WDFY4: variants seen among roughly 807,000 people sequenced by gnomAD.
WDFY4 encodes WDFY family member 4.
In WDFY4, 169 loss-of-function variants were observed where a neutral mutation model predicts 351.9. The ratio of observed to expected loss-of-function variants is 0.48; its 90% CI spans 0.42 to 0.55. WDFY4 has a LOEUF of 0.55. WDFY4 is among the 20% of genes least tolerant of loss of function. The probability of loss-of-function intolerance (pLI) is 0.00; values close to 1 mark genes in which losing one functional copy is unlikely to be tolerated. For synonymous variants in WDFY4, 1,622 were observed against 1,574.6 expected (o/e 1.03, Z -0.71); for missense variants, 3,803 against 3,935.6 (o/e 0.97, Z 0.90).
At chr10:48,961,070 G>A (rs1441011472) in intron 53 of WDFY4, among the ~76,000 whole-genome samples, 1 of 152,206 alleles carries the variant, frequency 6.6e-6, no homozygotes, top group Non-Finnish European at 1.5e-5. Context: ...AAGTTTTATT[G>A]TATGTAAATT....
intron 49 of WDFY4, among the ~76,000 whole-genome samples, chr10:48,943,987 A>G (rs897076082): frequency 1.3e-5 from 2 of 152,196 alleles, no homozygotes; most frequent in African/African-American, 4.8e-5. Context: ...CAACTAACAT[A>G]GTTGCTAACA....
intron 55 of WDFY4, chr10:48,968,851 G>T: frequency 1.8e-6 from 1 of 558,536 alleles, no homozygotes; most frequent in Non-Finnish European, 3.2e-6. Context: ...CCTGCCCCGG[G>T]GCCCGGCTAC....
intron 11 of WDFY4, among the ~76,000 whole-genome samples, chr10:48,740,845 C>A (rs2064829241): frequency 6.6e-6 from 1 of 152,160 alleles, no homozygotes. Context: ...CAGTGTCCCT[C>A]TGAGAAGTGG....
chr10:48,739,124 C>T (rs2064768229), intron 11 of WDFY4, among the ~76,000 whole-genome samples: 1 of 152,226 alleles, frequency 6.6e-6, no homozygotes, highest in Non-Finnish European at 1.5e-5. Context: ...CTGTTCAACT[C>T]TGAGCTTAAT....
intron 23 of WDFY4, among the ~76,000 whole-genome samples, chr10:48,791,575 G>T (rs755464677): frequency 6.6e-6 from 1 of 152,206 alleles, no homozygotes; most frequent in African/African-American, 2.4e-5. Flanking sequence ...GACCTGCTTC[G>T]CATGTGTTTA....
At chr10:48,965,234 G>T (rs1006520478) in intron 54 of WDFY4, among the ~76,000 whole-genome samples, 1 of 152,138 alleles carries the variant, frequency 6.6e-6, no homozygotes, top group African/African-American at 2.4e-5. Context: ...CGTCAGTGTA[G>T]TCATGGAGTA....
At chr10:48,738,980 A>G (rs988037028) in intron 11 of WDFY4, among the ~76,000 whole-genome samples, 1 of 152,234 alleles carries the variant, frequency 6.6e-6, no homozygotes, top group Admixed American at 6.5e-5. Flanking sequence ...AGAACATGTG[A>G]CTTCACCACC....
At chr10:48,715,334 G>T (rs903336982) in intron 2 of WDFY4, among the ~76,000 whole-genome samples, 1 of 152,230 alleles carries the variant, frequency 6.6e-6, no homozygotes, top group African/African-American at 2.4e-5. Flanking sequence ...GTTTTGTCAT[G>T]CACAACAGGT....
chr10:48,917,244 C>T (rs192609187), intron 47 of WDFY4, among the ~76,000 whole-genome samples: 148 of 152,252 alleles, frequency 9.7e-4, no homozygotes, highest in African/African-American at 3.3e-3. Flanking sequence ...CATGAAGTGA[C>T]ATGTGCCTCT....
At chr10:48,737,446 T>C (rs1051313475) in intron 11 of WDFY4, among the ~76,000 whole-genome samples, 5 of 152,256 alleles carry the variant, frequency 3.3e-5, no homozygotes, top group African/African-American at 1.2e-4. Flanking sequence ...AAAACCTTTT[T>C]AACATTTAGA....
intron 12 of WDFY4, among the ~76,000 whole-genome samples, chr10:48,752,054 C>T (rs751006638): frequency 5.9e-5 from 9 of 152,142 alleles, no homozygotes; most frequent in African/African-American, 2.2e-4. Flanking sequence ...AGGTCCCTTG[C>T]GAGATACAAG....
intron 39 of WDFY4, among the ~76,000 whole-genome samples, chr10:48,843,150 A>G (rs2068666041): frequency 6.6e-6 from 1 of 152,334 alleles, no homozygotes; most frequent in African/African-American, 2.4e-5. Context: ...TTCCTTCCCC[A>G]ACAACTTCAA....
At chr10:48,961,024 T>C (rs1841836906) in intron 53 of WDFY4, among the ~76,000 whole-genome samples, 1 of 152,244 alleles carries the variant, frequency 6.6e-6, no homozygotes, top group African/African-American at 2.4e-5. Flanking sequence ...TGAATGAATT[T>C]ATAAAAACAC....
intron 57 of WDFY4, 150 bp downstream of exon 57, chr10:48,970,439 T>A: frequency 8.7e-7 from 1 of 1,151,026 alleles, no homozygotes; most frequent in Non-Finnish European, 1.2e-6. Flanking sequence ...CCTCAGAAGC[T>A]AGGAATGAGC....
intron 19 of WDFY4, among the ~76,000 whole-genome samples, chr10:48,784,219 C>A (rs2066319159): frequency 6.6e-6 from 1 of 152,154 alleles, no homozygotes; most frequent in African/African-American, 2.4e-5. Context: ...AGTTCAATTG[C>A]TGGTTTCTAT....
At chr10:48,914,002 T>C (rs2133505292) in intron 47 of WDFY4, 1 of 1,614,206 alleles carries the variant, frequency 6.2e-7, no homozygotes, top group Non-Finnish European at 8.5e-7. Flanking sequence ...AGCTCGTCCA[T>C]GTCACTAAGG....
intron 5 of WDFY4, among the ~76,000 whole-genome samples, chr10:48,724,239 C>T (rs1407773032): frequency 6.6e-6 from 1 of 152,066 alleles, no homozygotes; most frequent in African/African-American, 2.4e-5. Context: ...TGGGGCCCGT[C>T]GCTGTGTGTC....
chr10:48,727,640 C>T lies in WDFY4; in HGVS notation c.952C>T (p.Leu318=). The change falls in exon 7 of 62, where the codon CTG becomes TTG. Residue 318 remains leucine, a synonymous_variant. Transcript: ENST00000325239. ...TGAGAATTCAGAGGGCTATCCTCTGCTGCTCAAAGTGTTACTTCGGTAAGT... is the reference window on the plus strand; with the variant it reads ...TGAGAATTCAGAGGGCTATCCTCTGTTGCTCAAAGTGTTACTTCGGTAAGT... ...EFENSEGYPL[L]LKVLLRYDGL... 2 of 1,552,024 alleles carry T rather than the reference C, an allele frequency of 1.3e-6. No individual in the cohort carries two copies. The highest frequency in any genetic ancestry group is 8.7e-7 in the Non-Finnish European group (1 of 1,147,036).
chr10:48,736,122 C>T (rs765121912), intron 11 of WDFY4, 52 bp downstream of exon 11: 129 of 1,538,038 alleles, frequency 8.4e-5, no homozygotes, highest in African/African-American at 9.6e-5. Flanking sequence ...ATGCACCAAG[C>T]GATCCACATT....
Sources: allele counts gnomAD v4.1 joint callset (sites outside exome capture counted in the v4.1 genomes callset), GRCh38; gene constraint gnomAD v4.1.1; transcripts MANE v1.5; gene names NCBI Gene and HGNC (gene_info 2026-07-23, HGNC 2026-07-21).